Variants in AGFG1 observed in about 807,000 individuals in gnomAD.
AGFG1 encodes arf-GAP domain and FG repeat-containing protein 1.
In AGFG1, 10 loss-of-function variants were observed where a neutral mutation model predicts 60.6. The observed-to-expected ratio is 0.16, with a 90% CI of 0.10 to 0.28. The LOEUF (loss-of-function observed/expected upper bound fraction) is 0.28. Ranked by LOEUF, AGFG1 falls within the 10% of genes least tolerant of loss-of-function variation. The pLI is 1.00. For synonymous variants in AGFG1, 247 were observed against 242.9 expected, an observed-to-expected ratio of 1.02 and a Z score of -0.16; for missense variants, 537 against 676.5, an observed-to-expected ratio of 0.79 and a Z score of 2.29.
At chr2:227,497,576 ATTT>A (rs915280446) in intron 2 of AGFG1, among the ~76,000 whole-genome samples, 1 of 151,650 alleles carries the variant, frequency 6.6e-6, no homozygotes, top group Non-Finnish European at 1.5e-5. Flanking sequence ...ACAAAAAAAA[ATTT>A]TTTTTGTTAT....
At chr2:227,516,070 T>C (rs1247971870) in intron 2 of AGFG1, among the ~76,000 whole-genome samples, 1 of 152,212 alleles carries the variant, frequency 6.6e-6, no homozygotes, top group African/African-American at 2.4e-5. Flanking sequence ...TCTTTCCCTC[T>C]CTCTCTGGTG....
intron 2 of AGFG1, among the ~76,000 whole-genome samples, chr2:227,497,320 C>A (rs889008229): frequency 6.6e-6 from 1 of 152,064 alleles, no homozygotes; most frequent in Non-Finnish European, 1.5e-5. Flanking sequence ...CTTTTTATGA[C>A]CTGACTTCTT....
chr2:227,526,997 A>T (rs772617010), intron 5 of AGFG1, among the ~76,000 whole-genome samples: 1 of 152,230 alleles, frequency 6.6e-6, no homozygotes, highest in Non-Finnish European at 1.5e-5. Context: ...CAAGCATGCA[A>T]ACCTTGCAGA....
intron 2 of AGFG1, among the ~76,000 whole-genome samples, chr2:227,497,567 CA>C (rs540448941): frequency 1.2e-4 from 18 of 151,204 alleles, no homozygotes; most frequent in Admixed American, 2.0e-4. Flanking sequence ...GTAAGATTTA[CA>C]AAAAAAAATT....
At chr2:227,508,688 A>ATTTTTTTTT in intron 2 of AGFG1, 1 of 394,370 alleles carries the variant, frequency 2.5e-6, no homozygotes, top group Non-Finnish European at 5.0e-6. Context: ...CACTGTTGGG[A>ATTTTTTTTT]TTTTTTTTTT....
At chr2:227,531,490 A>G (rs1692156566) in intron 6 of AGFG1, among the ~76,000 whole-genome samples, 1 of 148,306 alleles carries the variant, frequency 6.7e-6, no homozygotes, top group Non-Finnish European at 1.5e-5. Flanking sequence ...GGACAGAGGC[A>G]TGACACTACT....
intron 11 of AGFG1, among the ~76,000 whole-genome samples, chr2:227,552,539 TAGTTAG>T (rs1692850360): frequency 6.6e-6 from 1 of 152,182 alleles, no homozygotes; most frequent in African/African-American, 2.4e-5. Flanking sequence ...AACTATACTG[TAGTTAG>T]AGTTTGTTAT....
Position 227,531,174 on chromosome 2 carries a change from A to G in AGFG1, c.778A>G (p.Thr260Ala), listed in dbSNP as rs749702047. 16 of 1,613,674 alleles carry G rather than the reference A, an allele frequency of 9.9e-6. No homozygotes were observed. The highest frequency in any genetic ancestry group is 1.4e-5 in the Non-Finnish European group (16 of 1,179,826). Residue 260 changes from threonine (T) to alanine (A), a missense_variant, in exon 6 of 13, where the codon ACA becomes GCA. Coordinates refer to ENST00000310078, the MANE Select transcript of AGFG1 (RefSeq NM_004504.5). ...SGSSNFGGFPTASHSPFQPQT... is the reference protein window; with the variant it reads ...SGSSNFGGFPAASHSPFQPQT... ...TTCGAGTAATTTTGGAGGTTTCCCC[A>G]CAGCAAGTCACTCTCCTTTTCAGCC... is the stretch of plus-strand genomic sequence containing the variant.
Position 227,558,016 on chromosome 2 carries a change from T to G in AGFG1, c.*3521T>G, listed in dbSNP as rs1336092381. 6.6e-6 allele frequency: 1 copy of G among 152,036 alleles called. No individual in the cohort carries two copies. Among genetic ancestry groups the G allele is most frequent in the Non-Finnish European group, 1.5e-5 (1 of 68,006 alleles). The allele number at this position is 152,036 out of a possible 1,614,324, so 9.4% of individuals were successfully genotyped here. On this transcript the variant is annotated 3_prime_UTR_variant, in exon 13 of 13. Coordinates refer to ENST00000310078, the MANE Select transcript of AGFG1 (RefSeq NM_004504.5). ...AGGGCAAACATAACTATTCCCTGGG[T>G]TTTTTTTGTTTGCTAGTGAGAACTG...
chr2:227,545,931 T>G (rs1225662865), intron 10 of AGFG1, among the ~76,000 whole-genome samples: 1 of 152,182 alleles, frequency 6.6e-6, no homozygotes, highest in African/African-American at 2.4e-5. Context: ...GTTAGGCTAC[T>G]GCGGGGGTCA....
intron 1 of AGFG1, 144 bp downstream of exon 1, chr2:227,472,732 G>T: frequency 1.0e-6 from 1 of 961,198 alleles, no homozygotes; most frequent in African/African-American, 1.7e-5. Context: ...CCGGCTGGCG[G>T]GCGCGGCGTG....
rs1310310465 is a variant in AGFG1, at chr2:227,560,639, C to T, written c.*6144C>T. On this transcript the variant is annotated 3_prime_UTR_variant, in exon 13 of 13. Coordinates refer to ENST00000310078, the MANE Select transcript of AGFG1 (RefSeq NM_004504.5). Reference sequence around the variant, plus strand: ...TCGTGCCTTTCCTTATCTACATTAGCTTAGACTATACCTTATTTTTAAGAA... The same window carrying T: ...TCGTGCCTTTCCTTATCTACATTAGTTTAGACTATACCTTATTTTTAAGAA... The T allele has an allele frequency of 6.6e-6, 1 of 152,090 alleles. No individual in the cohort carries two copies. The highest frequency in any genetic ancestry group is 1.5e-5 in the Non-Finnish European group (1 of 67,954). The allele number at this position is 152,090 out of a possible 1,614,324, so 9.4% of individuals were successfully genotyped here. A position where few individuals can be genotyped will look rare whatever the true frequency, so the allele number is the denominator to read the frequency against.
intron 1 of AGFG1, among the ~76,000 whole-genome samples, chr2:227,483,235 C>T (rs1690523080): frequency 6.6e-6 from 1 of 152,136 alleles, no homozygotes; most frequent in African/African-American, 2.4e-5. Context: ...TGATTCACTG[C>T]AGGATTTTAT....
chr2:227,483,609 A>G (rs1237576236), intron 1 of AGFG1, among the ~76,000 whole-genome samples: 3 of 152,302 alleles, frequency 2.0e-5, no homozygotes, highest in East Asian at 3.9e-4. Context: ...TTCACTCAAC[A>G]TATTATCTTT....
chr2:227,530,898 G>A (rs1460017069), intron 5 of AGFG1, among the ~76,000 whole-genome samples, 193 bp from the exon 6 acceptor site: 2 of 152,088 alleles, frequency 1.3e-5, no homozygotes, highest in East Asian at 1.9e-4. Flanking sequence ...GAAATTCTTG[G>A]TTACTCCTTA....
At chr2:227,476,568 A>G (rs1033949838) in intron 1 of AGFG1, among the ~76,000 whole-genome samples, 1 of 152,234 alleles carries the variant, frequency 6.6e-6, no homozygotes, top group African/African-American at 2.4e-5. Flanking sequence ...TTGAAATTTC[A>G]CAGGTAATAA....
At position 227,497,735 on chromosome 2, in the gene AGFG1, G is replaced by GTTTTTTTTTTTTTTTTTTT. The variant is rs869114764; in HGVS notation, c.261+6103_261+6121dup. ...GCCAAATGAGTTTCTTTCTTGTTTT[G>GTTTTTTTTTTTTTTTTTTT]TTTTTTTTTTTTTTTTTTTTTTTTT... On this transcript the variant is annotated intron_variant, in intron 2 of 12. Transcript: ENST00000310078. Among the ~76,000 whole-genome samples the GTTTTTTTTTTTTTTTTTTT allele has an allele frequency of 3.9e-4, 11 of 28,016 alleles. 5 individuals carry two copies. The highest frequency in any genetic ancestry group is 7.1e-4 in the Non-Finnish European group (10 of 14,030). The allele number at this position is 28,016 out of a possible 152,430, so 18.4% of individuals were successfully genotyped here. A position where few individuals can be genotyped will look rare whatever the true frequency, so the allele number is the denominator to read the frequency against.
chr2:227,537,516 C>T (rs1341288823), intron 10 of AGFG1, among the ~76,000 whole-genome samples: 3 of 152,094 alleles, frequency 2.0e-5, no homozygotes, highest in African/African-American at 7.2e-5. Context: ...TTGATTCAGT[C>T]GTGGGTATAA....
At chr2:227,535,518 C>T (rs1422630941) in intron 8 of AGFG1, among the ~76,000 whole-genome samples, 3 of 152,146 alleles carry the variant, frequency 2.0e-5, no homozygotes, top group Non-Finnish European at 2.9e-5. Context: ...CTGTTATGTT[C>T]ATATATATCT....
Sources: gnomAD v4.1 joint callset for allele counts (sites outside exome capture counted in the v4.1 genomes callset) on GRCh38, gnomAD v4.1.1 for gene constraint, MANE v1.5 for transcripts, NCBI Gene and HGNC (gene_info 2026-07-23, HGNC 2026-07-21) for gene names.